Variants in MYOCD observed in about 807,000 individuals in gnomAD.
MYOCD encodes the protein myocardin.
Under a neutral mutation model 96.1 loss-of-function variants are expected in MYOCD, and 32 were observed. The ratio of observed to expected loss-of-function variants is 0.33; its 90% CI spans 0.25 to 0.45. The LOEUF is 0.45. Ranked by LOEUF, MYOCD falls within the 20% of genes least tolerant of loss-of-function variation. MYOCD has a pLI of 1.00. For missense variants in MYOCD, 1,133 were observed against 1,200.6 expected, an observed-to-expected ratio of 0.94 and a Z score of 0.83; for synonymous variants, 469 against 469.0, an observed-to-expected ratio of 1.00 and a Z score of 0.00.
At chr17:12,730,516 A>C (rs898262185) in intron 5 of MYOCD, among the ~76,000 whole-genome samples, 15 of 152,082 alleles carry the variant, frequency 9.9e-5, no homozygotes, top group African/African-American at 3.6e-4. Context: ...AAAATTAGTC[A>C]TTCCAACATC....
At chr17:12,681,554 G>A (rs1254360769) in intron 1 of MYOCD, among the ~76,000 whole-genome samples, 3 of 152,170 alleles carry the variant, frequency 2.0e-5, no homozygotes, top group East Asian at 1.9e-4. Flanking sequence ...TTCTGAGACC[G>A]AGCCTTTTGG....
At position 12,763,830 on chromosome 17, in the gene MYOCD, A is replaced by G. The variant is rs934052812; in HGVS notation, c.*186A>G. On this transcript the variant is annotated 3_prime_UTR_variant, in exon 14 of 14. Coordinates refer to ENST00000425538, the MANE Select transcript of MYOCD (RefSeq NM_001146312.3). Reference sequence around the variant, plus strand: ...AATACATATACTGTAATATTTACCAACAGTCAGTAACTGTTAATGATTTCA... The same window carrying G: ...AATACATATACTGTAATATTTACCAGCAGTCAGTAACTGTTAATGATTTCA... 15 of 508,052 alleles carry G rather than the reference A, an allele frequency of 3.0e-5. 1 individual carries two copies. Among genetic ancestry groups the G allele is most frequent in the Non-Finnish European group, 4.7e-5 (14 of 296,322 alleles). The allele number at this position is 508,052 out of a possible 1,614,324, so 31.5% of individuals were successfully genotyped here.
chr17:12,741,425 C>G (rs1208196475), intron 7 of MYOCD, among the ~76,000 whole-genome samples: 4 of 152,124 alleles, frequency 2.6e-5, no homozygotes, highest in Non-Finnish European at 5.9e-5. Context: ...TTTAAGTTAG[C>G]AGTGGAGCAT....
Position 12,763,653 on chromosome 17 carries a change from A to G in MYOCD, c.*9A>G, listed in dbSNP as rs758830488. The G allele has an allele frequency of 6.3e-6, 10 of 1,599,638 alleles. No homozygotes were observed. Among genetic ancestry groups the G allele is most frequent in the Middle Eastern group, 1.7e-4 (1 of 5,996 alleles). On this transcript the variant is annotated 3_prime_UTR_variant, in exon 14 of 14. Transcript: ENST00000425538. The stretch of plus-strand genomic sequence containing the variant: ...ACTTGCAGCAGTGGTAGAATGCCCA[A>G]TGCACCAGTGCTATGGAAGACCAAT...
intron 1 of MYOCD, 187 bp from the exon 2 acceptor site, chr17:12,704,941 C>T (rs1849333551): frequency 1.7e-6 from 1 of 573,214 alleles, no homozygotes; most frequent in South Asian, 2.3e-5. Flanking sequence ...TACTGCAAAA[C>T]CTTGTAACCT....
At chr17:12,680,041 G>A (rs1033853748) in intron 1 of MYOCD, among the ~76,000 whole-genome samples, 5 of 152,130 alleles carry the variant, frequency 3.3e-5, no homozygotes, top group African/African-American at 7.2e-5. Context: ...GGCAATACAT[G>A]CTTTAAATGC....
intron 2 of MYOCD, among the ~76,000 whole-genome samples, chr17:12,710,310 T>A (rs920547118): frequency 4.6e-5 from 7 of 152,190 alleles, no homozygotes; most frequent in African/African-American, 1.7e-4. Context: ...ATTAGAGATC[T>A]AAAGTGGACT....
intron 2 of MYOCD, among the ~76,000 whole-genome samples, chr17:12,707,427 T>A (rs1597763565): frequency 6.6e-6 from 1 of 151,950 alleles, no homozygotes; most frequent in African/African-American, 2.4e-5. Flanking sequence ...AGAAGCAGGC[T>A]GGGCACGGTG....
chr17:12,695,091 T>C (rs1259272220), intron 1 of MYOCD, among the ~76,000 whole-genome samples: 5 of 152,166 alleles, frequency 3.3e-5, no homozygotes, highest in Admixed American at 1.3e-4. Flanking sequence ...TAGCAAGAAG[T>C]ATCCCTAGTT....
In MYOCD at chr17:12,753,332, G is replaced by A; in HGVS notation, c.2044G>A (p.Val682Met). The change falls in exon 10 of 14, where the codon GTG becomes ATG. Residue 682 changes from valine to methionine, a missense_variant. By Grantham distance (21) the Val-to-Met change is conservative. Coordinates refer to ENST00000425538, the MANE Select transcript of MYOCD (RefSeq NM_001146312.3). ...HRVSSPISSQ[V>M]CTAQNSGAHD... ...GGTCTCCTCGCCCATCAGCAGCCAGGTGTGCACTGCACAGGTAAGAGCACC... is the reference window on the plus strand; with the variant it reads ...GGTCTCCTCGCCCATCAGCAGCCAGATGTGCACTGCACAGGTAAGAGCACC... 6.2e-7 allele frequency: 1 copy of A among 1,601,012 alleles called. No individual in the cohort carries two copies. The highest frequency in any genetic ancestry group is 8.5e-7 in the Non-Finnish European group (1 of 1,173,770).
At chr17:12,709,335 A>C (rs1314993171) in intron 2 of MYOCD, among the ~76,000 whole-genome samples, 1 of 152,206 alleles carries the variant, frequency 6.6e-6, no homozygotes, top group Non-Finnish European at 1.5e-5. Context: ...CACTTCTCTT[A>C]AACATTCACT....
At chr17:12,683,831 G>A (rs1231806478) in intron 1 of MYOCD, among the ~76,000 whole-genome samples, 3 of 152,128 alleles carry the variant, frequency 2.0e-5, no homozygotes, top group Non-Finnish European at 2.9e-5. Flanking sequence ...ATTCACAGCT[G>A]GATCCCTCAT....
intron 10 of MYOCD, among the ~76,000 whole-genome samples, chr17:12,754,469 A>T (rs1401576590): frequency 6.6e-6 from 1 of 152,200 alleles, no homozygotes; most frequent in Non-Finnish European, 1.5e-5. Context: ...GTAAAAAGAA[A>T]ATGTCGTGGA....
rs764175644 is a variant in MYOCD at position 12,753,365 on chromosome 17, A to G, written c.2058+19A>G. 1.3e-6 allele frequency: 2 copies of G among 1,532,504 alleles called. No individual in the cohort carries two copies. The highest frequency in any genetic ancestry group is 1.8e-6 in the Non-Finnish European group (2 of 1,139,124). 94.9% of individuals were successfully genotyped at this position (1,532,504 alleles called of 1,614,324 possible). On this transcript the variant is annotated intron_variant, in intron 10 of 13. Transcript: ENST00000425538. ...TGCACAGGTAAGAGCACCTTGCGCCATGCCTGGTGCACACTTCTTTCTGGA... is the reference window on the plus strand; with the variant it reads ...TGCACAGGTAAGAGCACCTTGCGCCGTGCCTGGTGCACACTTCTTTCTGGA...
chr17:12,681,877 G>A (rs1910488235), intron 1 of MYOCD, among the ~76,000 whole-genome samples: 1 of 152,130 alleles, frequency 6.6e-6, no homozygotes, highest in Non-Finnish European at 1.5e-5. Flanking sequence ...CAGACAGTCA[G>A]GCCTATGTTA....
intron 4 of MYOCD, among the ~76,000 whole-genome samples, chr17:12,719,081 A>C (rs1240829966): frequency 6.7e-6 from 1 of 148,514 alleles, no homozygotes; most frequent in East Asian, 2.1e-4. Context: ...AGGCTGAAGC[A>C]GGAGAATTGC....
At chr17:12,736,381 A>C in intron 6 of MYOCD, 45 bp downstream of exon 6, 50 of 1,587,732 alleles carry the variant, frequency 3.1e-5, no homozygotes, top group Non-Finnish European at 3.7e-5. Context: ...ACAGCATCTC[A>C]GTGTATTATC....
At position 12,763,124 on chromosome 17, in the gene MYOCD, A is replaced by G. The variant is rs2033229630; in HGVS notation, c.2441A>G (p.Lys814Arg). Residue 814 changes from lysine to arginine, a missense_variant, in exon 14 of 14, where the codon AAG becomes AGG. Coordinates refer to ENST00000425538, the MANE Select transcript of MYOCD (RefSeq NM_001146312.3). ...EDHSCLQKVPKIPRSSRSPTA... is the reference protein window; with the variant it reads ...EDHSCLQKVPRIPRSSRSPTA... ...CACTCATGTCTTCAAAAAGTCCCAA[A>G]GATACCCAGATCTTCCCGAAGTCCA... The G allele has an allele frequency of 6.2e-7, 1 of 1,614,072 alleles. No homozygotes were observed. The highest frequency in any genetic ancestry group is 1.3e-5 in the African/African-American group (1 of 75,050).
intron 2 of MYOCD, among the ~76,000 whole-genome samples, chr17:12,708,540 G>C (rs1042429424): frequency 6.6e-6 from 1 of 151,890 alleles, no homozygotes; most frequent in Non-Finnish European, 1.5e-5. Context: ...CTACAGGCAC[G>C]TGCCACCATG....
Sources: allele counts gnomAD v4.1 joint callset (sites outside exome capture counted in the v4.1 genomes callset), GRCh38; gene constraint gnomAD v4.1.1; transcripts MANE v1.5; gene names NCBI Gene and HGNC (gene_info 2026-07-23, HGNC 2026-07-21).